SIPA1L3: variants seen among roughly 807,000 people sequenced by gnomAD.
SIPA1L3 encodes the protein signal induced proliferation associated 1 like 3.
Under a neutral mutation model 150.1 loss-of-function variants are expected in SIPA1L3, and 59 were observed. The observed-to-expected ratio is 0.39, with a 90% CI of 0.32 to 0.49. SIPA1L3 has a LOEUF of 0.49. Ranked by LOEUF, SIPA1L3 falls within the 20% of genes least tolerant of loss-of-function variation. The pLI is 0.86. For missense variants in SIPA1L3, 2,211 were observed against 2,489.5 expected (o/e 0.89, Z 2.38); for synonymous variants, 1,070 against 1,077.6 (o/e 0.99, Z 0.14).
intron 1 of SIPA1L3, among the ~76,000 whole-genome samples, chr19:38,028,321 C>T (rs567817634): frequency 3.9e-5 from 6 of 152,290 alleles, no homozygotes; most frequent in Admixed American, 3.3e-4. Context: ...CCCCTGCCAC[C>T]GCTTGCCCCT....
intron 2 of SIPA1L3, among the ~76,000 whole-genome samples, chr19:38,037,280 G>A (rs987915358): frequency 4.0e-5 from 6 of 151,598 alleles, no homozygotes; most frequent in Non-Finnish European, 7.4e-5. Flanking sequence ...GGGAACGTCT[G>A]TCATAAGGAC....
At chr19:38,153,311 G>A (rs332849) in intron 13 of SIPA1L3, among the ~76,000 whole-genome samples, 51,804 of 152,126 alleles carry the variant, frequency 0.34, 10,345 homozygotes, top group Middle Eastern at 0.52. Flanking sequence ...GCTGCGTCCC[G>A]TGGCTTTTCA....
chr19:38,038,682 T>C (rs1324878318), intron 2 of SIPA1L3, among the ~76,000 whole-genome samples: 2 of 152,168 alleles, frequency 1.3e-5, no homozygotes, highest in Admixed American at 6.5e-5. Context: ...ACTTTTCTTT[T>C]TGAAAGACAC....
At position 38,164,116 on chromosome 19, in the gene SIPA1L3, C is replaced by T. The variant is rs557895468; in HGVS notation, c.3781-363C>T. Among the ~76,000 whole-genome samples the T allele has an allele frequency of 2.0e-5, 3 of 152,256 alleles. No individual in the cohort carries two copies. Among genetic ancestry groups the T allele is most frequent in the East Asian group, 1.9e-4 (1 of 5,188 alleles). Reference sequence around the variant, plus strand: ...CAAAAGCGGGGTCAAGGTGAGTCCACGGCTCTTGGCAGGGGCAGCTGAAAG... The same window carrying T: ...CAAAAGCGGGGTCAAGGTGAGTCCATGGCTCTTGGCAGGGGCAGCTGAAAG... On this transcript the variant is annotated intron_variant, in intron 14 of 21. Transcript: ENST00000222345. This position sits in a 1 kb window ranked among gnomAD's most constrained non-coding sequence, Gnocchi z 4.1.
rs766566162 is a variant in SIPA1L3, at chr19:38,081,811, G to A, written c.246G>A (p.Arg82=). Residue 82 remains arginine (R), a synonymous_variant, in exon 3 of 22, where the codon AGG becomes AGA. Coordinates refer to ENST00000222345, the MANE Select transcript of SIPA1L3 (RefSeq NM_015073.3). The stretch of plus-strand genomic sequence containing the variant: ...TGCCCAAGATGGGCGTGCGCGCAAG[G>A]GTGGCCGACTGGCCGCCCAAGCGGG... The part of the protein sequence containing the change: ...PAMPKMGVRA[R]VADWPPKREA... The A allele has an allele frequency of 1.8e-5, 29 of 1,613,356 alleles. No individual in the cohort carries two copies. Among genetic ancestry groups the A allele is most frequent in the Admixed American group, 3.3e-5 (2 of 59,998 alleles).
chr19:38,162,176 C>G, intron 13 of SIPA1L3, 77 bp from the exon 14 acceptor site: 1 of 1,133,348 alleles, frequency 8.8e-7, no homozygotes. Context: ...AGCAGACAGT[C>G]TGGCAAAGGG....
intron 13 of SIPA1L3, among the ~76,000 whole-genome samples, chr19:38,156,486 C>T (rs543150088): frequency 2.7e-5 from 4 of 150,144 alleles, no homozygotes; most frequent in South Asian, 2.1e-4. Context: ...AAATTGCCGC[C>T]GCCATACACA....
rs371571630 is a variant in SIPA1L3 at position 38,081,727 on chromosome 19, G to A, written c.162G>A (p.Pro54=). Residue 54 remains proline, a synonymous_variant, in exon 3 of 22, where the codon CCG becomes CCA. Coordinates refer to ENST00000222345, the MANE Select transcript of SIPA1L3 (RefSeq NM_015073.3). ...TGTCCCAGCCTCTTGGCGAGAGCCC[G>A]GCCACCGCCACCGCCACCGCCACCG... The part of the protein sequence containing the change: ...GSMSQPLGES[P]ATATATATAT... 1.9e-6 allele frequency: 3 copies of A among 1,602,812 alleles called. No individual in the cohort carries two copies. The highest frequency in any genetic ancestry group is 2.3e-5 in the East Asian group (1 of 44,132).
intron 12 of SIPA1L3, among the ~76,000 whole-genome samples, chr19:38,147,717 G>A (rs1054436322): frequency 6.6e-6 from 1 of 152,066 alleles, no homozygotes; most frequent in Non-Finnish European, 1.5e-5. Context: ...TCCTTGTGTG[G>A]ATCTGTTTCT....
intron 2 of SIPA1L3, among the ~76,000 whole-genome samples, chr19:38,075,479 T>G (rs1969817727): frequency 1.3e-5 from 2 of 148,218 alleles, no homozygotes; most frequent in African/African-American, 5.0e-5. Flanking sequence ...GATTTGCAAC[T>G]ATTTGAAAAG....
rs536260425 is a variant in SIPA1L3 at position 38,206,244 on chromosome 19, G to A, written c.*4G>A. The A allele has an allele frequency of 1.2e-5, 18 of 1,546,752 alleles. No individual in the cohort carries two copies. The highest frequency in any genetic ancestry group is 1.5e-5 in the Non-Finnish European group (17 of 1,142,538). On this transcript the variant is annotated 3_prime_UTR_variant, in exon 22 of 22. Transcript: ENST00000222345. ...CAGGGAGAAGAAGGAGCTCTGAGGT[G>A]GGAGGCCGCCGCCCGCCTTCGCTCC...
At chr19:37,932,960 C>T (rs56207124) in intron 1 of SIPA1L3, among the ~76,000 whole-genome samples, 38,178 of 151,554 alleles carry the variant, frequency 0.25, 5,928 homozygotes, top group Non-Finnish European at 0.36. Context: ...ACTTCTGTGC[C>T]GGGGCTGGGG....
At chr19:37,976,767 G>A (rs1967087520) in intron 1 of SIPA1L3, among the ~76,000 whole-genome samples, 1 of 152,166 alleles carries the variant, frequency 6.6e-6, no homozygotes, top group Admixed American at 6.5e-5. Context: ...AGAACAGTGT[G>A]TAGTGTAGAG....
At chr19:38,142,478 C>T (rs965577082) in intron 11 of SIPA1L3, 95 bp from the exon 12 acceptor site, 16 of 1,380,236 alleles carry the variant, frequency 1.2e-5, no homozygotes, top group Non-Finnish European at 1.5e-5. Flanking sequence ...TCTGTCTGTC[C>T]GTCTGTCCAT....
intron 1 of SIPA1L3, among the ~76,000 whole-genome samples, chr19:38,022,997 TC>T (rs1294853241): frequency 6.6e-6 from 1 of 152,172 alleles, no homozygotes; most frequent in South Asian, 2.1e-4. Flanking sequence ...TTCCCCTTAC[TC>T]CACAACTTCA....
At chr19:38,052,254 C>T (rs1618385) in intron 2 of SIPA1L3, among the ~76,000 whole-genome samples, 61,472 of 152,046 alleles carry the variant, frequency 0.4, 13,997 homozygotes, top group African/African-American at 0.62. Context: ...AAACAGAATC[C>T]ACTCTAGGTA....
chr19:38,054,554 G>A (rs753362176), intron 2 of SIPA1L3, among the ~76,000 whole-genome samples: 2 of 152,140 alleles, frequency 1.3e-5, no homozygotes, highest in African/African-American at 2.4e-5. Flanking sequence ...AGCCGAGATC[G>A]CGCCACCGCA....
rs747821776 is a variant in SIPA1L3 at position 38,110,277 on chromosome 19, G to A, written c.2184G>A (p.Gln728=). Residue 728 remains glutamine (Q), a synonymous_variant, in exon 8 of 22, where the codon CAG becomes CAA. Coordinates refer to ENST00000222345, the MANE Select transcript of SIPA1L3 (RefSeq NM_015073.3). The stretch of plus-strand genomic sequence containing the variant: ...ATGACATCGTGACGATCATCTTCCA[G>A]GAGCCTGGCGCGCTACCGTTCACCC... ...IGNDIVTIIF[Q]EPGALPFTPK... is the part of the protein sequence containing the mutation. The A allele has an allele frequency of 1.4e-5, 22 of 1,614,182 alleles. No homozygotes were observed. The highest frequency in any genetic ancestry group is 1.8e-5 in the Non-Finnish European group (21 of 1,180,030).
rs566895397 is a variant in SIPA1L3 at position 38,088,702 on chromosome 19, G to T, written c.1535-19G>T. 1 of 1,610,738 alleles carries T rather than the reference G, an allele frequency of 6.2e-7. No homozygotes were observed. The highest frequency in any genetic ancestry group is 1.3e-5 in the African/African-American group (1 of 74,824). ...TTCCCAGACAGCTGAGCCTGAACTCGCCTGCTCTTCCTTCTTAGAACATGC... is the reference window on the plus strand; with the variant it reads ...TTCCCAGACAGCTGAGCCTGAACTCTCCTGCTCTTCCTTCTTAGAACATGC... On this transcript the variant is annotated intron_variant, in intron 3 of 21. Transcript: ENST00000222345.
Sources: allele counts gnomAD v4.1 joint callset (sites outside exome capture counted in the v4.1 genomes callset), GRCh38; gene constraint gnomAD v4.1.1; non-coding constraint Gnocchi (gnomAD v3.1); transcripts MANE v1.5; gene names NCBI Gene and HGNC (gene_info 2026-07-23, HGNC 2026-07-21).